CCDC171: variants seen among roughly 807,000 people sequenced by gnomAD.
The protein encoded by CCDC171 is coiled-coil domain-containing protein 171.
CCDC171 carries 177 observed loss-of-function variants against 168.2 expected under a neutral mutation model. That is an observed-to-expected ratio of 1.05 (90% CI 0.93 to 1.19). CCDC171 has a LOEUF of 1.19. CCDC171 is among the 50% of genes most tolerant of loss of function. The pLI is 0.00. For synonymous variants in CCDC171, 687 were observed against 540.8 expected (o/e 1.27, Z -3.75); for missense variants, 1,991 against 1,539.0 (o/e 1.29, Z -4.91).
chr9:15,879,883 A>G (rs1243679583), intron 24 of CCDC171, among the ~76,000 whole-genome samples: 6 of 152,312 alleles, frequency 3.9e-5, no homozygotes, highest in African/African-American at 1.4e-4. Context: ...CTTTTAATAC[A>G]CATTCTCCAA....
At chr9:16,100,387 C>G in the CCDC171 span, among the ~76,000 whole-genome samples, 1 of 152,202 alleles carries the variant, frequency 6.6e-6, no homozygotes, top group Non-Finnish European at 1.5e-5. Context: ...CAGGCCTCCT[C>G]TTGCAGATAG....
At chr9:15,960,753 T>G (rs1391652765) in intron 25 of CCDC171, among the ~76,000 whole-genome samples, 1 of 152,176 alleles carries the variant, frequency 6.6e-6, no homozygotes, top group Non-Finnish European at 1.5e-5. Context: ...GATCACATGA[T>G]TTGTCTTACA....
the CCDC171 span, among the ~76,000 whole-genome samples, chr9:16,097,339 G>C: frequency 6.6e-6 from 1 of 152,220 alleles, no homozygotes; most frequent in Non-Finnish European, 1.5e-5. Context: ...GTATATGCTA[G>C]TGTCTAAGAG....
At chr9:16,015,478 C>T (rs1474739184) in intron 3 of CCDC171, among the ~76,000 whole-genome samples, 5 of 152,184 alleles carry the variant, frequency 3.3e-5, no homozygotes, top group Admixed American at 2.0e-4. Context: ...TTGTTCTTGT[C>T]ATGCGTCCAG....
intron 25 of CCDC171, chr9:15,922,134 A>G (rs771291042): frequency 1.8e-5 from 7 of 390,194 alleles, no homozygotes; most frequent in South Asian, 9.9e-5. Flanking sequence ...TTTCATTTAG[A>G]AGAGATGGTT....
intron 25 of CCDC171, among the ~76,000 whole-genome samples, chr9:15,965,707 C>T (rs1360120050): frequency 1.7e-5 from 1 of 59,016 alleles, no homozygotes; most frequent in Non-Finnish European, 3.7e-5. Context: ...ATATGCTACA[C>T]ATTTTTGTGT....
At chr9:15,572,945 A>G (rs563810327) in intron 3 of CCDC171, among the ~76,000 whole-genome samples, 2 of 152,284 alleles carry the variant, frequency 1.3e-5, no homozygotes, top group Admixed American at 6.5e-5. Flanking sequence ...GATCACTTGA[A>G]GTCAGGAGTT....
intron 21 of CCDC171, among the ~76,000 whole-genome samples, chr9:15,797,073 C>G (rs561734418): frequency 7.9e-5 from 12 of 152,140 alleles, no homozygotes; most frequent in African/African-American, 2.9e-4. Context: ...TTAATTTTAT[C>G]TGTTATAATG....
upstream of CCDC171, among the ~76,000 whole-genome samples, chr9:16,041,901 C>A (rs1252510725): frequency 6.6e-6 from 1 of 152,096 alleles, no homozygotes. Flanking sequence ...ACACCATATT[C>A]TGAGCAAGTT....
At position 15,999,827 on chromosome 9, in the gene CCDC171, C is replaced by T. The variant is rs1005120968; in HGVS notation, n.369-20762C>T. ...TTAGATTCCACAACTTATCTGGAGACGGGGGAGAGGAAATGAATCATGTCC... is the reference window on the plus strand; with the variant it reads ...TTAGATTCCACAACTTATCTGGAGATGGGGGAGAGGAAATGAATCATGTCC... On this transcript the variant is annotated intron_variant and non_coding_transcript_variant, in intron 3 of 9. Coordinates refer to the CCDC171 transcript ENST00000486641. 2.6e-5 allele frequency among the ~76,000 whole-genome samples: 4 copies of T among 152,108 alleles called. No individual in the cohort carries two copies. The East Asian group carries it at 5.8e-4, about 22-fold the overall frequency.
intron 25 of CCDC171, among the ~76,000 whole-genome samples, chr9:15,941,408 T>C (rs1329744673): frequency 6.6e-6 from 1 of 151,910 alleles, no homozygotes; most frequent in African/African-American, 2.4e-5. Flanking sequence ...TTATTGTTAT[T>C]CACATTTAAT....
chr9:15,820,903 A>G lies in CCDC171; in HGVS notation c.3268-25799A>G, dbSNP rs1345910898. Among the ~76,000 whole-genome samples, 3 of 117,032 alleles carry G rather than the reference A, an allele frequency of 2.6e-5. 1 individual carries two copies. Among genetic ancestry groups the G allele is most frequent in the Admixed American group, 8.1e-5 (1 of 12,342 alleles). The allele number at this position is 117,032 out of a possible 152,430, so 76.8% of individuals were successfully genotyped here. Reference sequence around the variant, plus strand: ...AACAAAAAAAGAGAATTTTAGACCAATGTCCTTGATGAACATTGATGCAAA... The same window carrying G: ...AACAAAAAAAGAGAATTTTAGACCAGTGTCCTTGATGAACATTGATGCAAA... On this transcript the variant is annotated intron_variant, in intron 21 of 25. Coordinates refer to ENST00000380701, the MANE Select transcript of CCDC171 (RefSeq NM_173550.4).
At chr9:15,977,466 A>C (rs12005556), downstream of CCDC171, among the ~76,000 whole-genome samples, 11,935 of 152,246 alleles carry the variant, frequency 0.078, 1,533 homozygotes, top group African/African-American at 0.27. Flanking sequence ...TCTAAATCAT[A>C]TTCTGTGTAG....
chr9:15,959,297 ATGGATTCTGCCTATG>A lies in CCDC171; in HGVS notation c.3754-12310_3754-12296del, dbSNP rs1488821320. Among the ~76,000 whole-genome samples, 16 of 152,284 alleles carry A rather than the reference ATGGATTCTGCCTATG, an allele frequency of 1.1e-4. No individual in the cohort carries two copies. In the East Asian group the frequency reaches 2.1e-3, roughly 20 times the overall value. ...TCTATAAAGTAACAGGTCTTACCATATGGATTCTGCCTATGTCCCACAAACTGCTTGCTAATTCAT... is the reference window on the plus strand; with the variant it reads ...TCTATAAAGTAACAGGTCTTACCATATCCCACAAACTGCTTGCTAATTCAT... On this transcript the variant is annotated intron_variant, in intron 25 of 25. Coordinates refer to ENST00000380701, the MANE Select transcript of CCDC171 (RefSeq NM_173550.4).
At chr9:15,628,174 G>A (rs1488902409) in intron 7 of CCDC171, among the ~76,000 whole-genome samples, 1 of 152,134 alleles carries the variant, frequency 6.6e-6, no homozygotes, top group Non-Finnish European at 1.5e-5. Context: ...CAGACAGTGG[G>A]CGCAGGACAG....
At chr9:15,989,921 G>C in intron 3 of CCDC171, among the ~76,000 whole-genome samples, 1 of 152,204 alleles carries the variant, frequency 6.6e-6, no homozygotes, top group Non-Finnish European at 1.5e-5. Context: ...AGAAATATGG[G>C]ACTATGTGAA....
intron 18 of CCDC171, among the ~76,000 whole-genome samples, chr9:15,756,950 T>C (rs772159774): frequency 2.0e-5 from 3 of 152,228 alleles, no homozygotes; most frequent in African/African-American, 7.2e-5. Flanking sequence ...TCCTCAGCCA[T>C]GTGGAACTAT....
chr9:15,647,544 A>G (rs2047149197), intron 7 of CCDC171, among the ~76,000 whole-genome samples: 1 of 152,234 alleles, frequency 6.6e-6, no homozygotes, highest in South Asian at 2.1e-4. Context: ...AATAGACACA[A>G]TAAAAAATGA....
intron 4 of CCDC171, chr9:15,588,431 C>A: frequency 3.5e-6 from 1 of 285,552 alleles, no homozygotes; most frequent in Non-Finnish European, 7.2e-6. Context: ...AGGTTGTCTG[C>A]TAAACCTGCT....
Sources: allele counts gnomAD v4.1 joint callset (sites outside exome capture counted in the v4.1 genomes callset), GRCh38; gene constraint gnomAD v4.1.1; transcripts MANE v1.5; gene names NCBI Gene and HGNC (gene_info 2026-07-23, HGNC 2026-07-21).